The following CYP3A5 variants were observed in gnomAD, a reference collection of about 807,000 sequenced individuals.
CYP3A5 encodes the protein cytochrome P450 family 3 subfamily A member 5, also known as cytochrome P450 3A5.
In CYP3A5, 51 loss-of-function variants were observed where a neutral mutation model predicts 55.9. That is an observed-to-expected ratio of 0.91 (90% CI 0.73 to 1.15). CYP3A5 has a LOEUF of 1.15. Among genes scored for constraint, CYP3A5 ranks in the 50% most tolerant of loss-of-function variants. The probability of loss-of-function intolerance (pLI) is 0.00; values close to 1 mark genes in which losing one functional copy is unlikely to be tolerated. For missense variants in CYP3A5, 533 were observed against 596.6 expected (o/e 0.89, Z 1.11); for synonymous variants, 196 against 213.9 (o/e 0.92, Z 0.73).
At chr7:99,651,762 T>G (rs552048543) in intron 11 of CYP3A5, among the ~76,000 whole-genome samples, 1 of 152,368 alleles carries the variant, frequency 6.6e-6, no homozygotes, top group South Asian at 2.1e-4. Context: ...GAGTGCGAAC[T>G]GTGCCTAAGG....
In CYP3A5 at chr7:99,652,780, CT is replaced by C. The variant is rs1427934981; in HGVS notation, c.1027-2del. On this transcript the variant is annotated splice_acceptor_variant, in intron 10 of 12. Transcript: ENST00000222982. LOFTEE classifies it high-confidence loss of function. ...CCACGGCATCATAGGTAGGTGGTGC[CT>C]GGAAGGAAAGAAACAGAATTGGATA... 8 of 1,611,382 alleles carry C rather than the reference CT, an allele frequency of 5.0e-6. No homozygotes were observed. The African/African-American group carries it at 9.4e-5, about 19-fold the overall frequency.
At chr7:99,651,241 C>T (rs567741417) in intron 11 of CYP3A5, among the ~76,000 whole-genome samples, 1 of 152,094 alleles carries the variant, frequency 6.6e-6, no homozygotes, top group Non-Finnish European at 1.5e-5. Flanking sequence ...GTGTATATGT[C>T]AAACATTCTC....
chr7:99,671,954 A>T, intron 4 of CYP3A5: 1 of 677,530 alleles, frequency 1.5e-6, no homozygotes, highest in Non-Finnish European at 2.7e-6. Flanking sequence ...AAACTGGTGA[A>T]ATCTGAAAAG....
At chr7:99,665,413 A>G in intron 6 of CYP3A5, 99 bp from the exon 7 acceptor site, 3 of 1,483,184 alleles carry the variant, frequency 2.0e-6, no homozygotes, top group Non-Finnish European at 2.8e-6. Context: ...AAGACACATA[A>G]AGAGCCACAG....
At chr7:99,660,245 T>TTA in intron 10 of CYP3A5, 5 of 738,730 alleles carry the variant, frequency 6.8e-6, no homozygotes, top group Non-Finnish European at 8.2e-6. Context: ...TTTTTTTTTT[T>TTA]ACTTAGCATT....
chr7:99,651,243 A>G (rs1218690829), intron 11 of CYP3A5, among the ~76,000 whole-genome samples: 4 of 152,206 alleles, frequency 2.6e-5, no homozygotes, highest in Admixed American at 2.0e-4. Context: ...GTATATGTCA[A>G]ACATTCTCTA....
In CYP3A5 at chr7:99,676,187, T is replaced by TC. The variant is rs28383469; in HGVS notation, c.92dup (p.Leu32ThrfsTer3). 12,673 of 1,613,666 alleles carry TC rather than the reference T, an allele frequency of 7.9e-3. 67 individuals carry two copies. The highest frequency in any genetic ancestry group is 9.1e-3 in the Non-Finnish European group (10,755 of 1,179,812). ...CTGGAATTCCCAGTCTCTTAAAAAG[T>TC]CCATGTGTACGGGTCCCATATCTAC... On this transcript the variant is annotated frameshift_variant, in exon 2 of 13. Coordinates refer to ENST00000222982, the MANE Select transcript of CYP3A5 (RefSeq NM_000777.5). LOFTEE classifies it high-confidence loss of function.
chr7:99,655,335 A>G (rs1809600702), intron 10 of CYP3A5, among the ~76,000 whole-genome samples: 1 of 152,210 alleles, frequency 6.6e-6, no homozygotes, highest in Non-Finnish European at 1.5e-5. Flanking sequence ...TTAAATAGGG[A>G]ATCCTTTCCC....
chr7:99,651,287 A>G lies in CYP3A5; in HGVS notation c.1254-1055T>C, dbSNP rs184123479. Among the ~76,000 whole-genome samples, 333 of 152,342 alleles carry G rather than the reference A, an allele frequency of 2.2e-3. 1 individual carries two copies. The highest frequency in any genetic ancestry group is 4.1e-3 in the Non-Finnish European group (282 of 68,034). ...ATACACACACATATACGTATATATC[A>G]CATGAATTTATGGATTTATGTAAAT... On this transcript the variant is annotated intron_variant, in intron 11 of 12. Coordinates refer to ENST00000222982, the MANE Select transcript of CYP3A5 (RefSeq NM_000777.5).
intron 1 of CYP3A5, chr7:99,677,145 A>G (rs1812370753): frequency 1.0e-6 from 1 of 983,852 alleles, no homozygotes; most frequent in African/African-American, 1.7e-5. Flanking sequence ...CCTGCCTGGA[A>G]CTCATCTTTC....
At chr7:99,665,558 A>G (rs1282507028) in intron 6 of CYP3A5, among the ~76,000 whole-genome samples, 1 of 152,228 alleles carries the variant, frequency 6.6e-6, no homozygotes, top group Non-Finnish European at 1.5e-5. Context: ...TCTGAGGTCA[A>G]GGAGCCCAGT....
rs1811043788 is a variant in CYP3A5, at chr7:99,666,586, T to C, written c.521+15A>G. The C allele has an allele frequency of 1.2e-6, 2 of 1,612,722 alleles. No homozygotes were observed. Among genetic ancestry groups the C allele is most frequent in the Non-Finnish European group, 1.7e-6 (2 of 1,178,948 alleles). The stretch of plus-strand genomic sequence containing the variant: ...TCATGACAGCTCAGAACCCCATGGC[T>C]GTGCTCCTACTTACTCTTTCAAGGT... On this transcript the variant is annotated intron_variant, in intron 6 of 12. Transcript: ENST00000222982.
chr7:99,672,727 CA>C (rs1277427153), intron 3 of CYP3A5, 48 bp from the exon 4 acceptor site: 1 of 1,610,334 alleles, frequency 6.2e-7, no homozygotes, highest in South Asian at 1.1e-5. Flanking sequence ...CCCGATTCTG[CA>C]GCTGGAGCCA....
Position 99,660,611 on chromosome 7 carries a change from G to A in CYP3A5, c.914C>T (p.Ala305Val). The change falls in exon 10 of 13, where the codon GCT becomes GTT. Residue 305 changes from alanine (A) to valine (V), a missense_variant. Coordinates refer to ENST00000222982, the MANE Select transcript of CYP3A5 (RefSeq NM_000777.5). The part of the protein sequence containing the change: ...LAAQSIIFIF[A>V]GYETTSSVLS... ...AACACTGCTGGTGGTTTCATAGCCA[G>A]CAAAAATGAAGATTATTGACTGGGC... 1 of 1,613,964 alleles carries A rather than the reference G, an allele frequency of 6.2e-7. No homozygotes were observed. The highest frequency in any genetic ancestry group is 8.5e-7 in the Non-Finnish European group (1 of 1,179,930).
chr7:99,665,372 T>C, intron 6 of CYP3A5, 58 bp from the exon 7 acceptor site: 1 of 1,601,042 alleles, frequency 6.2e-7, no homozygotes. Flanking sequence ...CCTTCCACTA[T>C]ACATGCAGCA....
In CYP3A5 at chr7:99,652,608, C is replaced by A; in HGVS notation, c.1198G>T (p.Ala400Ser). 6.2e-7 allele frequency: 1 copy of A among 1,614,014 alleles called. No individual in the cohort carries two copies. The highest frequency in any genetic ancestry group is 8.5e-7 in the Non-Finnish European group (1 of 1,179,942). Residue 400 changes from alanine to serine, a missense_variant, in exon 11 of 13, where the codon GCT (alanine) becomes TCT (serine). By Grantham distance (99) the Ala-to-Ser change is moderately conservative. Transcript: ENST00000222982. ...KGSMVVIPTY[A>S]LHHDPKYWTE... Reference sequence around the variant, plus strand: ...CAGTACTTTGGGTCATGGTGAAGAGCATAAGTTGGAATCACCACCATTGAC... The same window carrying A: ...CAGTACTTTGGGTCATGGTGAAGAGAATAAGTTGGAATCACCACCATTGAC...
At position 99,660,637 on chromosome 7, in the gene CYP3A5, T is replaced by G. The variant is rs777722390; in HGVS notation, c.888A>C (p.Ala296=). Residue 296 remains alanine (A), a synonymous_variant, in exon 10 of 13, where the codon GCA becomes GCC. Coordinates refer to ENST00000222982, the MANE Select transcript of CYP3A5 (RefSeq NM_000777.5). ...CAAAAATGAAGATTATTGACTGGGCTGCGAGCTCCAGATCAGACAGAGCTG... is the reference window on the plus strand; with the variant it reads ...CAAAAATGAAGATTATTGACTGGGCGGCGAGCTCCAGATCAGACAGAGCTG... The part of the protein sequence containing the change: ...SHKALSDLEL[A]AQSIIFIFAG... 1 of 1,613,948 alleles carries G rather than the reference T, an allele frequency of 6.2e-7. No homozygotes were observed. Among genetic ancestry groups the G allele is most frequent in the Non-Finnish European group, 8.5e-7 (1 of 1,179,884 alleles).
rs899130924 is a variant in CYP3A5, at chr7:99,663,496, G to T, written c.798+472C>A. ...CAGAGAAGACCCCTGTTCACTCCAG[G>T]CTGTGAAACACTCACATTTACCACA... is the stretch of plus-strand genomic sequence containing the variant. On this transcript the variant is annotated intron_variant, in intron 8 of 12. Transcript: ENST00000222982. 3.0e-6 allele frequency: 3 copies of T among 990,196 alleles called. No homozygotes were observed. The African/African-American group carries it at 5.2e-5, about 17-fold the overall frequency. 61.3% of individuals were successfully genotyped at this position (990,196 alleles called of 1,614,324 possible).
intron 10 of CYP3A5, chr7:99,660,272 A>G (rs377349538): frequency 1.9e-6 from 2 of 1,048,532 alleles, no homozygotes; most frequent in Admixed American, 5.7e-5. Flanking sequence ...ATAACAGTAA[A>G]CAGGTGAACC....
Sources: gnomAD v4.1 joint callset for allele counts (sites outside exome capture counted in the v4.1 genomes callset) on GRCh38, gnomAD v4.1.1 for gene constraint, MANE v1.5 for transcripts, NCBI Gene and HGNC (gene_info 2026-07-23, HGNC 2026-07-21) for gene names.